Variants in ADARB2 observed in about 807,000 individuals in gnomAD.
The protein encoded by ADARB2 is adenosine deaminase RNA specific B2 (inactive).
ADARB2 carries 25 observed loss-of-function variants against 62.2 expected under a neutral mutation model. That is an observed-to-expected ratio of 0.40 (90% CI 0.29 to 0.56). The LOEUF is 0.56. Among genes scored for constraint, ADARB2 ranks in the 20% least tolerant of loss-of-function variants. The pLI is 0.43. For synonymous variants in ADARB2, 572 were observed against 500.8 expected, an observed-to-expected ratio of 1.14 and a Z score of -1.90; for missense variants, 1,071 against 1,077.4, an observed-to-expected ratio of 0.99 and a Z score of 0.08.
At chr10:1,364,021 C>T (rs1019581818) in intron 2 of ADARB2, 104 bp from the exon 3 acceptor site, 4 of 1,368,822 alleles carry the variant, frequency 2.9e-6, no homozygotes, top group African/African-American at 1.5e-5. Context: ...CCTCGCCGCC[C>T]GCGCCCCCAG....
In ADARB2 at chr10:1,326,845, AGCGCCTCCCCACTGCC is replaced by A. The variant is rs1564257870; in HGVS notation, c.1077+36167_1077+36182del. Among the ~76,000 whole-genome samples the A allele has an allele frequency of 1.8e-3, 97 of 55,420 alleles. 11 individuals are homozygous for A. The highest frequency in any genetic ancestry group is 3.4e-3 in the Non-Finnish European group (80 of 23,324). The allele number at this position is 55,420 out of a possible 152,430, so 36.4% of individuals were successfully genotyped here. On this transcript the variant is annotated intron_variant, in intron 3 of 9. Coordinates refer to ENST00000381312, the MANE Select transcript of ADARB2 (RefSeq NM_018702.4). ...ACGGCCCAGCGCCTCCCCACGGCCC[AGCGCCTCCCCACTGCC>A]CAGCGCCTCCCCACGGCACAGCGCC...
chr10:1,531,439 A>G (rs1007683878), intron 1 of ADARB2, among the ~76,000 whole-genome samples: 4 of 152,176 alleles, frequency 2.6e-5, no homozygotes, highest in South Asian at 2.1e-4. Context: ...CCAGCCCCCA[A>G]ATGGATACCA....
chr10:1,381,827 G>C (rs1260806697), intron 1 of ADARB2, among the ~76,000 whole-genome samples: 1 of 152,214 alleles, frequency 6.6e-6, no homozygotes, highest in Admixed American at 6.5e-5. Context: ...GGTGCTGCCA[G>C]GGTCCATGGG....
chr10:1,332,878 G>A (rs1831942372), intron 3 of ADARB2, among the ~76,000 whole-genome samples: 1 of 152,228 alleles, frequency 6.6e-6, no homozygotes, highest in African/African-American at 2.4e-5. Flanking sequence ...ATTGGAAGCA[G>A]AGTTACCGTT....
chr10:1,295,875 G>A, intron 3 of ADARB2, among the ~76,000 whole-genome samples: 1 of 152,220 alleles, frequency 6.6e-6, no homozygotes, highest in East Asian at 1.9e-4. Context: ...GGTGGCCTAT[G>A]TGTGGTGCAG....
chr10:1,465,808 G>A (rs1226747436), intron 1 of ADARB2, among the ~76,000 whole-genome samples: 1 of 152,200 alleles, frequency 6.6e-6, no homozygotes, highest in African/African-American at 2.4e-5. Context: ...GAGTGGTGTG[G>A]GGCCCCCAGA....
Position 1,185,044 on chromosome 10 carries a change from C to A in ADARB2, c.1865-5G>T. Reference sequence around the variant, plus strand: ...GCGCCTCGGCGTCACTCACGCCTGTCGGGGAGATGGGGAAAGGCGGGCGTT... The same window carrying A: ...GCGCCTCGGCGTCACTCACGCCTGTAGGGGAGATGGGGAAAGGCGGGCGTT... On this transcript the variant is annotated splice_region_variant and splice_polypyrimidine_tract_variant and intron_variant, in intron 8 of 9. Coordinates refer to ENST00000381312, the MANE Select transcript of ADARB2 (RefSeq NM_018702.4). 3 of 1,608,838 alleles carry A rather than the reference C, an allele frequency of 1.9e-6. No individual in the cohort carries two copies. The highest frequency in any genetic ancestry group is 1.3e-5 in the African/African-American group (1 of 74,962).
Position 1,398,749 on chromosome 10 carries a change from C to T in ADARB2, c.101-19589G>A, listed in dbSNP as rs1832637116. On this transcript the variant is annotated intron_variant, in intron 1 of 9. Transcript: ENST00000381312. This position sits in a 1 kb window ranked among gnomAD's most constrained non-coding sequence, Gnocchi z 4.1. Reference sequence around the variant, plus strand: ...TGCCTCTGACCCTCAAATTACCCAGCTCTCGGCTCTGCGTGGATTGGCGTG... The same window carrying T: ...TGCCTCTGACCCTCAAATTACCCAGTTCTCGGCTCTGCGTGGATTGGCGTG... Among the ~76,000 whole-genome samples, 1 of 152,194 alleles carries T rather than the reference C, an allele frequency of 6.6e-6. No individual in the cohort carries two copies. Among genetic ancestry groups the T allele is most frequent in the Non-Finnish European group, 1.5e-5 (1 of 68,042 alleles).
At chr10:1,277,253 G>A (rs1227161034) in intron 3 of ADARB2, among the ~76,000 whole-genome samples, 1 of 152,092 alleles carries the variant, frequency 6.6e-6, no homozygotes, top group Non-Finnish European at 1.5e-5. Flanking sequence ...AAATAACTAA[G>A]ATCAGAGCAG....
At chr10:1,486,364 T>C (rs1831542863) in intron 1 of ADARB2, among the ~76,000 whole-genome samples, 1 of 152,206 alleles carries the variant, frequency 6.6e-6, no homozygotes, top group African/African-American at 2.4e-5. Context: ...TCCAGATCAT[T>C]AATATATTCT....
chr10:1,433,818 T>C (rs11250508), intron 1 of ADARB2, among the ~76,000 whole-genome samples: 2,022 of 152,300 alleles, frequency 0.013, 107 homozygotes, highest in East Asian at 0.12. Flanking sequence ...GTCTAAAAAA[T>C]TTAAATGATT....
rs558821247 is a variant in ADARB2 at position 1,269,852 on chromosome 10, T to C, written c.1192+1103A>G. Among the ~76,000 whole-genome samples the C allele has an allele frequency of 2.5e-4, 38 of 152,256 alleles. 1 individual carries two copies. The highest frequency in any genetic ancestry group is 8.7e-4 in the African/African-American group (36 of 41,560). On this transcript the variant is annotated intron_variant, in intron 4 of 9. Coordinates refer to ENST00000381312, the MANE Select transcript of ADARB2 (RefSeq NM_018702.4). ...GATGAGCTTGGTGGAGGTGAACTCTTAGCCCTCAATTTAGAACATTCCTAA... is the reference window on the plus strand; with the variant it reads ...GATGAGCTTGGTGGAGGTGAACTCTCAGCCCTCAATTTAGAACATTCCTAA...
intron 4 of ADARB2, among the ~76,000 whole-genome samples, chr10:1,265,840 C>T (rs1831192356): frequency 7.7e-6 from 1 of 130,574 alleles, no homozygotes; most frequent in Admixed American, 7.4e-5. Flanking sequence ...CCCCGGAAGA[C>T]GGCCTGAGCC....
intron 1 of ADARB2, among the ~76,000 whole-genome samples, chr10:1,456,478 C>T (rs1182139156): frequency 6.6e-6 from 1 of 152,160 alleles, no homozygotes. Context: ...CCGTCCCCGG[C>T]CCAAAACCTA....
intron 1 of ADARB2, among the ~76,000 whole-genome samples, chr10:1,552,791 G>A (rs1396771723): frequency 6.6e-6 from 1 of 152,226 alleles, no homozygotes; most frequent in Non-Finnish European, 1.5e-5. Context: ...CCTTCCTCTG[G>A]CCTGGTCCTG....
chr10:1,720,011 A>G (rs1006463327), intron 1 of ADARB2, among the ~76,000 whole-genome samples: 1 of 152,252 alleles, frequency 6.6e-6, no homozygotes, highest in Admixed American at 6.5e-5. Flanking sequence ...CCCAGCAGTC[A>G]CATTCCTGGG....
Position 1,363,370 on chromosome 10 carries a change from C to G in ADARB2, c.735G>C (p.Ala245=), listed in dbSNP as rs990880834. ...GTCGCCCGTAGGCCGCGGACAGAAG[C>G]GCGGCGTCCCCGGGGCGGCCTCCCG... The part of the protein sequence containing the change: ...GLAGGRPGDA[A]LLSAAYGRRR... Residue 245 remains alanine, a synonymous_variant, in exon 3 of 10, where the codon GCG becomes GCC. Coordinates refer to ENST00000381312, the MANE Select transcript of ADARB2 (RefSeq NM_018702.4). 2 of 1,318,950 alleles carry G rather than the reference C, an allele frequency of 1.5e-6. No homozygotes were observed. Among genetic ancestry groups the G allele is most frequent in the South Asian group, 2.2e-5 (1 of 46,170 alleles). The allele number at this position is 1,318,950 out of a possible 1,614,324, so 81.7% of individuals were successfully genotyped here. A position where few individuals can be genotyped will look rare whatever the true frequency, so the allele number is the denominator to read the frequency against.
intron 1 of ADARB2, among the ~76,000 whole-genome samples, chr10:1,725,851 G>C (rs1835157010): frequency 6.6e-6 from 1 of 152,244 alleles, no homozygotes; most frequent in African/African-American, 2.4e-5. Context: ...AAGGTGAGAA[G>C]TCCCAGGGAG....
At chr10:1,718,697 G>A (rs1376722381) in intron 1 of ADARB2, among the ~76,000 whole-genome samples, 2 of 152,190 alleles carry the variant, frequency 1.3e-5, no homozygotes, top group African/African-American at 2.4e-5. Flanking sequence ...ACCTAGGGGG[G>A]CAGCACGACC....
Sources: gnomAD v4.1 joint callset for allele counts (sites outside exome capture counted in the v4.1 genomes callset) on GRCh38, gnomAD v4.1.1 for gene constraint, Gnocchi (gnomAD v3.1) non-coding constraint, MANE v1.5 for transcripts, NCBI Gene and HGNC (gene_info 2026-07-23, HGNC 2026-07-21) for gene names.